The following PCBP3 variants were observed in gnomAD, a reference collection of about 807,000 sequenced individuals.
PCBP3 encodes poly(rC) binding protein 3, also known as poly(rC)-binding protein 3.
Under a neutral mutation model 52.7 loss-of-function variants are expected in PCBP3, and 25 were observed. That is an observed-to-expected ratio of 0.47 (90% CI 0.35 to 0.66). The LOEUF (loss-of-function observed/expected upper bound fraction) is 0.66, where lower values mean the gene tolerates loss of function less well. Among genes scored for constraint, PCBP3 ranks in the 30% least tolerant of loss-of-function variants. PCBP3 has a pLI of 0.01. For missense variants in PCBP3, 391 were observed against 490.3 expected, an observed-to-expected ratio of 0.80 and a Z score of 1.91; for synonymous variants, 162 against 183.0, an observed-to-expected ratio of 0.89 and a Z score of 0.93.
At chr21:45,648,344 A>C (rs1475229977) in intron 1 of PCBP3, among the ~76,000 whole-genome samples, 3 of 152,234 alleles carry the variant, frequency 2.0e-5, no homozygotes, top group African/African-American at 7.2e-5. Context: ...TGGAGCTGCC[A>C]CTTGGGTATA....
chr21:45,739,587 C>CT (rs2086240224), intron 3 of PCBP3, among the ~76,000 whole-genome samples: 1 of 7,948 alleles, frequency 1.3e-4, no homozygotes. Context: ...CCTCTGGGTG[C>CT]CCCCCCCCAT....
intron 2 of PCBP3, among the ~76,000 whole-genome samples, chr21:45,718,624 T>C (rs772441812): frequency 6.6e-6 from 1 of 152,116 alleles, no homozygotes; most frequent in Non-Finnish European, 1.5e-5. Context: ...CTCACTGTTC[T>C]TACCAAGGTC....
In PCBP3 at chr21:45,942,032, C is replaced by T. The variant is rs781412174; in HGVS notation, c.*326C>T. 15 of 286,528 alleles carry T rather than the reference C, an allele frequency of 5.2e-5. No homozygotes were observed. The highest frequency in any genetic ancestry group is 7.8e-5 in the Non-Finnish European group (12 of 154,566). 17.7% of individuals were successfully genotyped at this position (286,528 alleles called of 1,614,324 possible). The stretch of plus-strand genomic sequence containing the variant: ...TAGCTGTCTGTCTTAGGAGCTGGGT[C>T]GGCGTTCCGACAGCACTTCCTGTCC... On this transcript the variant is annotated 3_prime_UTR_variant, in exon 18 of 18. Coordinates refer to ENST00000681687, the MANE Select transcript of PCBP3 (RefSeq NM_001384156.1).
In PCBP3 at chr21:45,656,944, C is replaced by A. The variant is rs1490229701; in HGVS notation, c.-278-11930C>A. On this transcript the variant is annotated intron_variant, in intron 1 of 17. Transcript: ENST00000681687. This position sits in a 1 kb window ranked among gnomAD's most constrained non-coding sequence, Gnocchi z 4.3. Reference sequence around the variant, plus strand: ...TCATGCCATTCTCCTGCCTCAGCCTCCCGAGTAGCTGGGACTACAGGTGCC... The same window carrying A: ...TCATGCCATTCTCCTGCCTCAGCCTACCGAGTAGCTGGGACTACAGGTGCC... Among the ~76,000 whole-genome samples the A allele has an allele frequency of 1.3e-5, 2 of 152,176 alleles. No individual in the cohort carries two copies. Among genetic ancestry groups the A allele is most frequent in the Non-Finnish European group, 2.9e-5 (2 of 68,040 alleles).
In PCBP3 at chr21:45,739,378, G is replaced by GC. The variant is rs1313725306; in HGVS notation, c.-162+3956dup. Among the ~76,000 whole-genome samples the GC allele has an allele frequency of 3.8e-4, 45 of 117,180 alleles. 1 individual carries two copies. Among genetic ancestry groups the GC allele is most frequent in the Non-Finnish European group, 6.8e-4 (39 of 57,608 alleles). 76.9% of individuals were successfully genotyped at this position (117,180 alleles called of 152,430 possible). ...CTTCCTGTCCACGGTCCTCTGGGTA[G>GC]CCCCCCCATCTTCATCAGCCCACCA... On this transcript the variant is annotated intron_variant, in intron 3 of 17. Coordinates refer to ENST00000681687, the MANE Select transcript of PCBP3 (RefSeq NM_001384156.1).
chr21:45,803,548 G>T (rs1473833645), intron 4 of PCBP3, among the ~76,000 whole-genome samples: 1 of 152,146 alleles, frequency 6.6e-6, no homozygotes, highest in Non-Finnish European at 1.5e-5. Context: ...GGAAAAAGCC[G>T]TGGTGGTTTT....
chr21:45,722,053 G>A (rs980090244), intron 2 of PCBP3, among the ~76,000 whole-genome samples: 11 of 152,172 alleles, frequency 7.2e-5, no homozygotes, highest in Non-Finnish European at 1.5e-4. Context: ...TATGTACAGA[G>A]TATGTTCACT....
chr21:45,767,468 C>T (rs765239063), intron 4 of PCBP3, among the ~76,000 whole-genome samples: 3 of 152,184 alleles, frequency 2.0e-5, no homozygotes, highest in East Asian at 1.9e-4. Flanking sequence ...TCCTGCTCTT[C>T]GGCTATTGTG....
intron 4 of PCBP3, among the ~76,000 whole-genome samples, chr21:45,770,089 A>G (rs1856373832): frequency 6.6e-6 from 1 of 152,194 alleles, no homozygotes; most frequent in South Asian, 2.1e-4. Context: ...CTCGTGTTGG[A>G]CATGGTGCAT....
intron 2 of PCBP3, chr21:45,728,805 G>A (rs1342103805): frequency 1.3e-5 from 2 of 152,128 alleles, no homozygotes; most frequent in African/African-American, 2.4e-5. Flanking sequence ...TTTGATTCTT[G>A]TAAGAACTTG....
chr21:45,691,933 G>A (rs1333868007), intron 2 of PCBP3, among the ~76,000 whole-genome samples: 2 of 152,194 alleles, frequency 1.3e-5, no homozygotes, highest in East Asian at 3.9e-4. Context: ...AGATGGACCA[G>A]TGAGATAGAA....
At chr21:45,681,517 G>C (rs978859190) in intron 2 of PCBP3, among the ~76,000 whole-genome samples, 3 of 152,056 alleles carry the variant, frequency 2.0e-5, no homozygotes, top group African/African-American at 7.2e-5. Context: ...AATGCAACCT[G>C]GTCTTTGGTC....
intron 1 of PCBP3, among the ~76,000 whole-genome samples, chr21:45,644,762 G>A (rs996888199): frequency 6.6e-6 from 1 of 152,080 alleles, no homozygotes; most frequent in African/African-American, 2.4e-5. Flanking sequence ...TGAGCAGCAG[G>A]GCCTTGCGGA....
chr21:45,732,504 A>AT (rs375222931), intron 2 of PCBP3, among the ~76,000 whole-genome samples: 46,905 of 141,900 alleles, frequency 0.33, 9,265 homozygotes, highest in African/African-American at 0.57. Flanking sequence ...TGCCTTTACG[A>AT]TTTTTTTTTT....
At chr21:45,848,901 T>C (rs1448065406) in intron 4 of PCBP3, among the ~76,000 whole-genome samples, 2 of 152,206 alleles carry the variant, frequency 1.3e-5, no homozygotes, top group Admixed American at 6.5e-5. Flanking sequence ...ATGCCTTTTT[T>C]CTATTTATTT....
chr21:45,691,114 T>G (rs796567371), intron 2 of PCBP3, among the ~76,000 whole-genome samples: 1 of 151,892 alleles, frequency 6.6e-6, no homozygotes, highest in African/African-American at 2.4e-5. Context: ...TAGGAACAAT[T>G]AAAAAATCTA....
chr21:45,821,707 C>T lies in PCBP3; in HGVS notation c.-125-28254C>T, dbSNP rs554322107. ...GTTGCAGCCTGTCTCTGCTCCCTTC[C>T]CTGCTCTTGTCACTTCTTGCTGGTG... is the stretch of plus-strand genomic sequence containing the variant. On this transcript the variant is annotated intron_variant, in intron 4 of 17. Transcript: ENST00000681687. This position sits in a 1 kb window ranked among gnomAD's most constrained non-coding sequence, Gnocchi z 4.4. Among the ~76,000 whole-genome samples, 18 of 152,282 alleles carry T rather than the reference C, an allele frequency of 1.2e-4. No individual in the cohort carries two copies. The South Asian group carries it at 3.7e-3, about 32-fold the overall frequency.
At chr21:45,838,680 A>G (rs970981477) in intron 4 of PCBP3, among the ~76,000 whole-genome samples, 3 of 152,224 alleles carry the variant, frequency 2.0e-5, no homozygotes, top group South Asian at 2.1e-4. Context: ...AAGTAAATAT[A>G]TAACAGGTTT....
intron 5 of PCBP3, among the ~76,000 whole-genome samples, chr21:45,883,171 T>A (rs1350630922): frequency 6.6e-6 from 1 of 152,362 alleles, no homozygotes; most frequent in East Asian, 1.9e-4. Context: ...TGTTCATATA[T>A]GTGTTTCATT....
Sources: allele counts gnomAD v4.1 joint callset (sites outside exome capture counted in the v4.1 genomes callset), GRCh38; gene constraint gnomAD v4.1.1; non-coding constraint Gnocchi (gnomAD v3.1); transcripts MANE v1.5; gene names NCBI Gene and HGNC (gene_info 2026-07-23, HGNC 2026-07-21).